RHOA: variants seen among roughly 807,000 people sequenced by gnomAD.
RHOA encodes the protein ras homolog family member A.
A neutral mutation model predicts 17.5 loss-of-function variants in RHOA; 3 were observed. The observed-to-expected ratio is 0.17, with a 90% confidence interval of 0.08 to 0.44. The LOEUF (loss-of-function observed/expected upper bound fraction) is 0.44, where lower values mean the gene tolerates loss of function less well. RHOA is among the 20% of genes least tolerant of loss of function. The pLI, the probability that RHOA is intolerant of heterozygous loss-of-function variation, is 0.99. For missense variants in RHOA, 56 were observed against 242.3 expected (o/e 0.23, Z 5.10); for synonymous variants, 98 against 88.4 (o/e 1.11, Z -0.61).
intron 3 of RHOA, among the ~76,000 whole-genome samples, chr3:49,365,819 G>C (rs140653657): frequency 6.6e-6 from 1 of 151,938 alleles, no homozygotes; most frequent in Non-Finnish European, 1.5e-5. Context: ...TCGAACTCCT[G>C]ACCTCAGGTG....
At chr3:49,408,090 C>T (rs1263735672) in intron 1 of RHOA, among the ~76,000 whole-genome samples, 1 of 151,614 alleles carries the variant, frequency 6.6e-6, no homozygotes, top group South Asian at 2.1e-4. Flanking sequence ...AACTAGGAGG[C>T]GGCGGTTGCA....
chr3:49,399,800 A>T (rs891761706), intron 1 of RHOA, among the ~76,000 whole-genome samples: 2 of 152,124 alleles, frequency 1.3e-5, no homozygotes, highest in Non-Finnish European at 2.9e-5. Context: ...TAAAACTATT[A>T]TGTTTTCGAA....
Position 49,399,263 on chromosome 3 carries a change from G to A in RHOA, c.-3+12557C>T, listed in dbSNP as rs577042634. Among the ~76,000 whole-genome samples, 290 of 150,470 alleles carry A rather than the reference G, an allele frequency of 1.9e-3. 3 individuals are homozygous for A. Among genetic ancestry groups the A allele is most frequent in the African/African-American group, 6.4e-3 (261 of 40,922 alleles). On this transcript the variant is annotated intron_variant, in intron 1 of 4. Coordinates refer to ENST00000418115, the MANE Select transcript of RHOA (RefSeq NM_001664.4). Reference sequence around the variant, plus strand: ...CGGGCACCTGTAGTCCCAGCTACTCGGGAGGCTGAGGCAAGAGAATGACGT... The same window carrying A: ...CGGGCACCTGTAGTCCCAGCTACTCAGGAGGCTGAGGCAAGAGAATGACGT...
rs2107830382 is a variant in RHOA at position 49,362,593 on chromosome 3, T to C, written c.311A>G (p.Lys104Arg). 6.2e-7 allele frequency: 1 copy of C among 1,613,602 alleles called. No homozygotes were observed. Among genetic ancestry groups the C allele is most frequent in the African/African-American group, 1.3e-5 (1 of 75,042 alleles). Residue 104 changes from lysine (K) to arginine (R), a missense_variant, in exon 4 of 5, where the codon AAG (lysine) becomes AGG (arginine). Transcript: ENST00000418115. ...NIPEKWTPEV[K>R]HFCPNVPIIL... ...GATGGGCACGTTGGGACAGAAATGC[T>C]TGACTTCTGGGGTCCACTTTTCTGG...
chr3:49,368,703 TTTTC>T (rs993337594), intron 2 of RHOA, among the ~76,000 whole-genome samples, 155 bp from the exon 3 acceptor site: 9 of 150,636 alleles, frequency 6.0e-5, no homozygotes, highest in Non-Finnish European at 8.8e-5. Flanking sequence ...ATTTTTTCTT[TTTTC>T]TTTTTTTTTT....
At chr3:49,404,433 A>AACACACACACACACACACACAC (rs374020319) in intron 1 of RHOA, among the ~76,000 whole-genome samples, 15,749 of 90,568 alleles carry the variant, frequency 0.17, 2,272 homozygotes, top group Middle Eastern at 0.2. Context: ...TCTCTAGTAA[A>AACACACACACACACACACACAC]ACACACACAC....
intron 1 of RHOA, among the ~76,000 whole-genome samples, chr3:49,408,516 T>C (rs777697927): frequency 5.9e-5 from 9 of 152,172 alleles, no homozygotes; most frequent in African/African-American, 1.9e-4. Flanking sequence ...TTCAGTCACA[T>C]GACTATCGTA....
intron 1 of RHOA, among the ~76,000 whole-genome samples, chr3:49,397,504 G>T (rs1196410104): frequency 6.6e-6 from 1 of 152,082 alleles, no homozygotes; most frequent in African/African-American, 2.4e-5. Context: ...AAAAGAGTTG[G>T]TTTTTGTTTT....
At chr3:49,387,946 C>G (rs757304518) in intron 1 of RHOA, among the ~76,000 whole-genome samples, 10 of 151,592 alleles carry the variant, frequency 6.6e-5, no homozygotes, top group Non-Finnish European at 1.3e-4. Flanking sequence ...CCTGTTTACT[C>G]TTACTGTTTT....
At chr3:49,407,078 C>A (rs1477095681) in intron 1 of RHOA, among the ~76,000 whole-genome samples, 1 of 151,940 alleles carries the variant, frequency 6.6e-6, no homozygotes, top group Non-Finnish European at 1.5e-5. Context: ...ACCTGGGAAA[C>A]AAAGGTTGAA....
chr3:49,399,325 G>A (rs1048042510), intron 1 of RHOA, among the ~76,000 whole-genome samples: 14 of 150,428 alleles, frequency 9.3e-5, no homozygotes, highest in Non-Finnish European at 1.3e-4. Flanking sequence ...AGCCGAGATC[G>A]CACCACTGCA....
intron 1 of RHOA, among the ~76,000 whole-genome samples, chr3:49,397,221 G>A (rs9878943): frequency 0.3 from 45,058 of 150,614 alleles, 7,176 homozygotes; most frequent in Middle Eastern, 0.33. Context: ...AGTCACAAAA[G>A]ACAATATATG....
At chr3:49,361,236 GTCAA>G (rs1357763251) in intron 4 of RHOA, among the ~76,000 whole-genome samples, 2 of 152,170 alleles carry the variant, frequency 1.3e-5, no homozygotes, top group Admixed American at 6.6e-5. Flanking sequence ...AGGTTAAGGA[GTCAA>G]TCAAGAGCAA....
chr3:49,401,586 T>C (rs1331029481), intron 1 of RHOA, among the ~76,000 whole-genome samples: 1 of 147,772 alleles, frequency 6.8e-6, no homozygotes, highest in Non-Finnish European at 1.5e-5. Flanking sequence ...ATTGGGGAAA[T>C]GAAGTTGAAA....
At chr3:49,409,557 GTCTT>G (rs1011373572) in intron 1 of RHOA, among the ~76,000 whole-genome samples, 2 of 152,140 alleles carry the variant, frequency 1.3e-5, no homozygotes, top group East Asian at 1.9e-4. Flanking sequence ...AAGCTGATCA[GTCTT>G]TCTTCTCAGA....
rs149540049 is a variant in RHOA, at chr3:49,360,526, G to A, written c.409-144C>T. 5.0e-5 allele frequency: 40 copies of A among 793,158 alleles called. No individual in the cohort carries two copies. In the African/African-American group the frequency reaches 5.5e-4, roughly 11 times the overall value. The allele number at this position is 793,158 out of a possible 1,614,324, so 49.1% of individuals were successfully genotyped here. A position where few individuals can be genotyped will look rare whatever the true frequency, so the allele number is the denominator to read the frequency against. ...TCGGTCGCCCAGGCTGGAGGGCAAT[G>A]GCATGATCTCAGCTGACTGCAACCT... On this transcript the variant is annotated intron_variant, in intron 4 of 4. Transcript: ENST00000418115.
chr3:49,365,588 CTTT>C (rs62741361), intron 3 of RHOA, among the ~76,000 whole-genome samples: 34 of 124,938 alleles, frequency 2.7e-4, no homozygotes, highest in Admixed American at 5.3e-4. Context: ...AATTTTCAAA[CTTT>C]TTTTTTTTTT....
Position 49,362,639 on chromosome 3 carries a change from T to C in RHOA, c.278-13A>G. ...TCTGGGATGTTTTCTGAAAGAAAAA[T>C]GTAGAGAATTTGGGGATACATACAA... On this transcript the variant is annotated splice_polypyrimidine_tract_variant and intron_variant, in intron 3 of 4. Transcript: ENST00000418115. The C allele has an allele frequency of 6.2e-7, 1 of 1,605,238 alleles. No homozygotes were observed. Among genetic ancestry groups the C allele is most frequent in the Non-Finnish European group, 8.5e-7 (1 of 1,175,418 alleles).
intron 1 of RHOA, among the ~76,000 whole-genome samples, chr3:49,381,787 C>T (rs1249564679): frequency 6.7e-6 from 1 of 149,620 alleles, no homozygotes; most frequent in African/African-American, 2.5e-5. Flanking sequence ...ATCACTTGAA[C>T]CCGGGAGGAG....
Sources: gnomAD v4.1 joint callset for allele counts (sites outside exome capture counted in the v4.1 genomes callset) on GRCh38, gnomAD v4.1.1 for gene constraint, MANE v1.5 for transcripts, NCBI Gene and HGNC (gene_info 2026-07-23, HGNC 2026-07-21) for gene names.